Variants in DNAH14 observed in about 807,000 individuals in gnomAD.
DNAH14 encodes dynein axonemal heavy chain 14.
Under a neutral mutation model 520.9 loss-of-function variants are expected in DNAH14, and 478 were observed. The observed-to-expected ratio is 0.92, with a 90% CI of 0.85 to 0.99. The LOEUF (loss-of-function observed/expected upper bound fraction) is 0.99. Ranked by LOEUF, DNAH14 falls within the 50% of genes least tolerant of loss-of-function variation. The pLI is 0.00. For synonymous variants in DNAH14, 1,581 were observed against 1,757.2 expected, an observed-to-expected ratio of 0.90 and a Z score of 2.51; for missense variants, 4,831 against 5,234.5, an observed-to-expected ratio of 0.92 and a Z score of 2.38.
rs114523220 is a variant in DNAH14, at chr1:225,026,059, G to A, written c.1358+2194G>A. Among the ~76,000 whole-genome samples, 707 of 151,772 alleles carry A rather than the reference G, an allele frequency of 4.7e-3. 4 individuals are homozygous for A. The highest frequency in any genetic ancestry group is 0.016 in the African/African-American group (665 of 41,408). ...TTCTCAGACTTGTCTTGAACTCCTGGGCTCAAGCGATACTCTCACCTCAGC... is the reference window on the plus strand; with the variant it reads ...TTCTCAGACTTGTCTTGAACTCCTGAGCTCAAGCGATACTCTCACCTCAGC... On this transcript the variant is annotated intron_variant, in intron 11 of 85. Coordinates refer to ENST00000682510, the MANE Select transcript of DNAH14 (RefSeq NM_001367479.1).
intron 49 of DNAH14, among the ~76,000 whole-genome samples, chr1:225,267,861 A>C (rs1309834670): frequency 6.6e-6 from 1 of 151,832 alleles, no homozygotes; most frequent in Non-Finnish European, 1.5e-5. Flanking sequence ...CCCTCAAGCC[A>C]AGGCAGAGGG....
At chr1:225,038,284 G>A (rs1051710879) in intron 11 of DNAH14, among the ~76,000 whole-genome samples, 4 of 152,070 alleles carry the variant, frequency 2.6e-5, no homozygotes, top group African/African-American at 9.7e-5. Flanking sequence ...ATGTATTTGA[G>A]ACAGGGTGTC....
chr1:225,230,051 CATT>C (rs2149562836), intron 41 of DNAH14, among the ~76,000 whole-genome samples: 1 of 152,178 alleles, frequency 6.6e-6, no homozygotes, highest in South Asian at 2.1e-4. Context: ...AGCTATTTGA[CATT>C]ATATGCTAAA....
intron 5 of DNAH14, 145 bp downstream of exon 5, chr1:224,964,754 A>G (rs1159113662): frequency 1.3e-5 from 10 of 741,286 alleles, no homozygotes; most frequent in Non-Finnish European, 1.8e-5. Flanking sequence ...ATGCAAAAGT[A>G]TTTGACATCA....
In DNAH14 at chr1:225,157,267, C is replaced by G. The variant is rs11799794; in HGVS notation, c.5274-2047C>G. 4.2e-3 allele frequency among the ~76,000 whole-genome samples: 636 copies of G among 152,138 alleles called. 4 individuals carry two copies. The highest frequency in any genetic ancestry group is 0.015 in the African/African-American group (604 of 41,508). On this transcript the variant is annotated intron_variant, in intron 34 of 85. Transcript: ENST00000682510. ...AACATCTAGAGAATTAACATCTCTCCAAGTATACACTTAAAAGATTTATAG... is the reference window on the plus strand; with the variant it reads ...AACATCTAGAGAATTAACATCTCTCGAAGTATACACTTAAAAGATTTATAG...
intron 10 of DNAH14, among the ~76,000 whole-genome samples, chr1:225,011,709 T>G (rs1205093982): frequency 6.6e-6 from 1 of 151,968 alleles, no homozygotes; most frequent in East Asian, 1.9e-4. Flanking sequence ...TTTTTTAATC[T>G]TTATTGGTTT....
chr1:225,178,756 G>A (rs1030348865), intron 36 of DNAH14, among the ~76,000 whole-genome samples: 1 of 152,126 alleles, frequency 6.6e-6, no homozygotes, highest in African/African-American at 2.4e-5. Context: ...TTTGAAATTT[G>A]AGGACATGAG....
At chr1:224,967,819 C>T (rs2061279877) in intron 6 of DNAH14, 2 of 1,349,070 alleles carry the variant, frequency 1.5e-6, no homozygotes, top group Admixed American at 3.3e-5. Flanking sequence ...CTATCAAATA[C>T]TTTGTTAATA....
chr1:225,392,459 A>G lies in DNAH14; in HGVS notation c.13491+8A>G. 6.4e-7 allele frequency: 1 copy of G among 1,551,578 alleles called. No individual in the cohort carries two copies. The highest frequency in any genetic ancestry group is 8.7e-7 in the Non-Finnish European group (1 of 1,146,928). ...GTCAGGAGAGCGTTTAAGGTACTGG[A>G]ATACTTCAAGGATTAGAAACGGTGA... On this transcript the variant is annotated splice_region_variant and intron_variant, in intron 84 of 85. Transcript: ENST00000682510.
chr1:225,286,458 A>T (rs1221544930), intron 54 of DNAH14, among the ~76,000 whole-genome samples: 1 of 152,192 alleles, frequency 6.6e-6, no homozygotes, highest in African/African-American at 2.4e-5. Flanking sequence ...AGGAAAAAAT[A>T]AATACCTTAC....
At chr1:224,983,393 G>A in intron 8 of DNAH14, among the ~76,000 whole-genome samples, 1 of 152,106 alleles carries the variant, frequency 6.6e-6, no homozygotes, top group East Asian at 1.9e-4. Flanking sequence ...TCGGCATACA[G>A]GGATATACCT....
Position 225,346,488 on chromosome 1 carries a change from A to T in DNAH14, c.11130A>T (p.Lys3710Asn). The change falls in exon 71 of 86, where the codon AAA becomes AAT. Residue 3710 changes from lysine (K) to asparagine (N), a missense_variant. By Grantham distance (94) the Lys-to-Asn change is moderately conservative. Transcript: ENST00000682510. Reference sequence around the variant, plus strand: ...CTTCAGCTCTATTTAATGAAGATAAACTTTGCTTCTCTTTTCGGCTTTGCA... The same window carrying T: ...CTTCAGCTCTATTTAATGAAGATAATCTTTGCTTCTCTTTTCGGCTTTGCA... ...VVSSALFNED[K>N]LCFSFRLCTV... 1 of 1,550,870 alleles carries T rather than the reference A, an allele frequency of 6.4e-7. No homozygotes were observed. Among genetic ancestry groups the T allele is most frequent in the Non-Finnish European group, 8.7e-7 (1 of 1,146,744 alleles).
intron 1 of DNAH14, among the ~76,000 whole-genome samples, chr1:224,951,813 G>A (rs538276021): frequency 2.0e-5 from 3 of 152,004 alleles, no homozygotes; most frequent in Non-Finnish European, 2.9e-5. Flanking sequence ...ACCAATGCCC[G>A]GCTAATTTTT....
Position 225,360,875 on chromosome 1 carries a change from T to C in DNAH14, c.11971T>C (p.Cys3991Arg). Reference sequence around the variant, plus strand: ...TGCAACATCATTTATGCCAAGGCTTTGCACAATTGTAGAATCGTAAGAGTT... The same window carrying C: ...TGCAACATCATTTATGCCAAGGCTTCGCACAATTGTAGAATCGTAAGAGTT... Reference protein sequence around the residue: ...HLATSFMPRLCTIVESFNSPN... With the variant: ...HLATSFMPRLRTIVESFNSPN... The change falls in exon 75 of 86, where the codon TGC becomes CGC. Residue 3991 changes from cysteine (C) to arginine (R), a missense_variant. Cys to Arg is a radical substitution (Grantham distance 180). Transcript: ENST00000682510. 6.4e-7 allele frequency: 1 copy of C among 1,551,692 alleles called. No homozygotes were observed. Among genetic ancestry groups the C allele is most frequent in the Non-Finnish European group, 8.7e-7 (1 of 1,146,958 alleles).
At chr1:225,299,541 T>C (rs2094095328) in intron 55 of DNAH14, among the ~76,000 whole-genome samples, 1 of 152,190 alleles carries the variant, frequency 6.6e-6, no homozygotes, top group Non-Finnish European at 1.5e-5. Context: ...GTTGATCCAG[T>C]TGAGGTTTCT....
chr1:225,200,417 A>C (rs113483140), intron 38 of DNAH14, among the ~76,000 whole-genome samples: 16,947 of 151,656 alleles, frequency 0.11, 1,471 homozygotes, highest in East Asian at 0.23. Context: ...GGTTTTTTTA[A>C]TTGTATTTTT....
intron 43 of DNAH14, chr1:225,250,561 C>T (rs2092498527): frequency 2.3e-6 from 1 of 438,442 alleles, no homozygotes; most frequent in Non-Finnish European, 4.2e-6. Context: ...TGAGGCCAGA[C>T]TCAGATGAAG....
At chr1:225,217,645 C>G (rs914931203) in intron 41 of DNAH14, among the ~76,000 whole-genome samples, 2 of 152,220 alleles carry the variant, frequency 1.3e-5, no homozygotes, top group Non-Finnish European at 2.9e-5. Context: ...GCAGTTCGAT[C>G]TCAGACTGCT....
At chr1:225,077,385 A>G (rs892315910) in intron 17 of DNAH14, among the ~76,000 whole-genome samples, 1 of 152,168 alleles carries the variant, frequency 6.6e-6, no homozygotes, top group South Asian at 2.1e-4. Flanking sequence ...TGGTATCAAT[A>G]TGTTACTAGT....
Sources: gnomAD v4.1 joint callset for allele counts (sites outside exome capture counted in the v4.1 genomes callset) on GRCh38, gnomAD v4.1.1 for gene constraint, MANE v1.5 for transcripts, NCBI Gene and HGNC (gene_info 2026-07-23, HGNC 2026-07-21) for gene names.